Variants in SGCD observed in about 807,000 individuals in gnomAD.
SGCD encodes the protein delta-sarcoglycan.
SGCD carries 18 observed loss-of-function variants against 36.6 expected under a neutral mutation model. The ratio of observed to expected loss-of-function variants is 0.49; its 90% CI spans 0.34 to 0.73. The LOEUF (loss-of-function observed/expected upper bound fraction) is 0.73. SGCD is among the 30% of genes least tolerant of loss of function. SGCD has a pLI of 0.01. For missense variants in SGCD, 387 were observed against 346.7 expected (o/e 1.12, Z -0.92); for synonymous variants, 133 against 130.6 (o/e 1.02, Z -0.12).
intron 2 of SGCD, chr5:156,123,779 T>C (rs1762105872): frequency 6.6e-6 from 1 of 152,160 alleles, no homozygotes; most frequent in South Asian, 2.1e-4. Flanking sequence ...CCAAACCAAA[T>C]GGCCTTTAAT....
chr5:156,303,736 T>C (rs1002587610), intron 3 of SGCD, among the ~76,000 whole-genome samples: 6 of 151,282 alleles, frequency 4.0e-5, no homozygotes, highest in African/African-American at 1.2e-4. Context: ...GCCTAGGGTG[T>C]GTCTATATAT....
At chr5:156,212,347 A>G (rs1457608887) in intron 3 of SGCD, among the ~76,000 whole-genome samples, 3 of 152,220 alleles carry the variant, frequency 2.0e-5, no homozygotes, top group Non-Finnish European at 2.9e-5. Flanking sequence ...GAGCAAGGGT[A>G]GCTATACTTA....
intron 1 of SGCD, among the ~76,000 whole-genome samples, chr5:155,949,159 G>A (rs896628685): frequency 6.6e-6 from 1 of 152,182 alleles, no homozygotes; most frequent in African/African-American, 2.4e-5. Flanking sequence ...TAAGCTAAAT[G>A]GGGGGCACAT....
At chr5:156,613,817 T>G (rs979430022) in intron 6 of SGCD, among the ~76,000 whole-genome samples, 1 of 152,190 alleles carries the variant, frequency 6.6e-6, no homozygotes, top group African/African-American at 2.4e-5. Flanking sequence ...GCTTTTAGTA[T>G]TTTGCTGCAA....
intron 6 of SGCD, among the ~76,000 whole-genome samples, chr5:156,633,898 C>T (rs1762727397): frequency 6.6e-6 from 1 of 152,180 alleles, no homozygotes; most frequent in South Asian, 2.1e-4. Context: ...CTCTCTACTT[C>T]CACACCACAG....
the SGCD span, among the ~76,000 whole-genome samples, chr5:155,829,183 CCTGGGGG>C: frequency 6.6e-6 from 1 of 152,030 alleles, no homozygotes; most frequent in Non-Finnish European, 1.5e-5. Flanking sequence ...ATTTCCTAGT[CCTGGGGG>C]CAGGATGAAC....
chr5:156,211,209 G>A (rs1339234688), intron 3 of SGCD, among the ~76,000 whole-genome samples: 3 of 152,072 alleles, frequency 2.0e-5, no homozygotes, highest in East Asian at 1.9e-4. Context: ...TGGCAAAGCT[G>A]TTTTTTAGAA....
At chr5:156,224,419 G>A (rs1349395714) in intron 3 of SGCD, among the ~76,000 whole-genome samples, 1 of 152,056 alleles carries the variant, frequency 6.6e-6, no homozygotes, top group Non-Finnish European at 1.5e-5. Flanking sequence ...TGTTTTTTGA[G>A]GAAAGCAAAG....
intron 3 of SGCD, among the ~76,000 whole-genome samples, chr5:156,397,914 G>A (rs1336662058): frequency 6.6e-6 from 1 of 152,068 alleles, no homozygotes; most frequent in Non-Finnish European, 1.5e-5. Context: ...ATTGAAAAAC[G>A]GGTTTGAATC....
the SGCD span, among the ~76,000 whole-genome samples, chr5:155,852,747 T>C: frequency 0.28 from 42,311 of 152,082 alleles, 7,441 homozygotes; most frequent in East Asian, 0.44. Flanking sequence ...TGGCGGGTTA[T>C]ATGCTTTAGC....
At chr5:156,268,434 G>T (rs990941783) in intron 3 of SGCD, among the ~76,000 whole-genome samples, 3 of 152,170 alleles carry the variant, frequency 2.0e-5, no homozygotes, top group Non-Finnish European at 2.9e-5. Context: ...CACCAACAGT[G>T]TATAAGTGAC....
intron 7 of SGCD, among the ~76,000 whole-genome samples, chr5:156,750,059 G>T (rs991048148): frequency 5.9e-5 from 9 of 151,822 alleles, no homozygotes; most frequent in African/African-American, 2.2e-4. Context: ...GATAGTTATT[G>T]GAAAATTAAT....
intron 1 of SGCD, among the ~76,000 whole-genome samples, chr5:156,112,565 T>C (rs1330130860): frequency 6.6e-6 from 1 of 152,156 alleles, no homozygotes; most frequent in Non-Finnish European, 1.5e-5. Flanking sequence ...TAAGGGATTG[T>C]TATGGTTTGG....
chr5:156,374,547 GA>G (rs1199524855), intron 3 of SGCD, among the ~76,000 whole-genome samples: 8 of 150,294 alleles, frequency 5.3e-5, no homozygotes, highest in Non-Finnish European at 1.2e-4. Flanking sequence ...GTTGATGGAA[GA>G]AAAAAAATTG....
chr5:155,738,987 A>G, the SGCD span, among the ~76,000 whole-genome samples: 2 of 152,066 alleles, frequency 1.3e-5, no homozygotes, highest in African/African-American at 4.8e-5. Context: ...ATTAGGAAAC[A>G]TGGGGCCAGG....
chr5:156,068,630 A>G (rs191262720), intron 1 of SGCD, among the ~76,000 whole-genome samples: 3 of 151,888 alleles, frequency 2.0e-5, no homozygotes, highest in African/African-American at 7.3e-5. Flanking sequence ...TCCTTTGGGT[A>G]TATACCCAGT....
chr5:155,907,800 G>C (rs1486205490), intron 1 of SGCD, among the ~76,000 whole-genome samples: 1 of 152,128 alleles, frequency 6.6e-6, no homozygotes, highest in African/African-American at 2.4e-5. Context: ...ATTTAGAATG[G>C]TACAGAAACT....
At chr5:156,677,552 G>T (rs1022879285) in intron 7 of SGCD, among the ~76,000 whole-genome samples, 1 of 152,108 alleles carries the variant, frequency 6.6e-6, no homozygotes, top group Admixed American at 6.6e-5. Flanking sequence ...GGTTGGGGGA[G>T]GGGGAGGGAT....
In SGCD at chr5:156,579,888, T is replaced by A. The variant is rs1405842588; in HGVS notation, c.295-9343T>A. On this transcript the variant is annotated intron_variant, in intron 4 of 8. Transcript: ENST00000337851. ...ATCCAATTTGCCAGTCTGTGTCTTT[T>A]AACTGGGGAATTTAGCCCATTTACA... Among the ~76,000 whole-genome samples the A allele has an allele frequency of 2.0e-5, 3 of 152,366 alleles. No homozygotes were observed. The East Asian group carries it at 5.8e-4, about 29-fold the overall frequency.
Sources: allele counts gnomAD v4.1 joint callset (sites outside exome capture counted in the v4.1 genomes callset), GRCh38; gene constraint gnomAD v4.1.1; transcripts MANE v1.5; gene names NCBI Gene and HGNC (gene_info 2026-07-23, HGNC 2026-07-21).